Variants in ARHGAP20 observed in about 807,000 individuals in gnomAD.
ARHGAP20 encodes rho GTPase-activating protein 20.
Under a neutral mutation model 73.7 loss-of-function variants are expected in ARHGAP20, and 34 were observed. The ratio of observed to expected loss-of-function variants is 0.46; its 90% CI spans 0.35 to 0.61. ARHGAP20 has a LOEUF of 0.61. ARHGAP20 is among the 20% of genes least tolerant of loss of function. ARHGAP20 has a pLI of 0.00. For missense variants in ARHGAP20, 1,314 were observed against 1,420.9 expected (o/e 0.92, Z 1.21); for synonymous variants, 523 against 518.2 (o/e 1.01, Z -0.13).
intron 1 of ARHGAP20, among the ~76,000 whole-genome samples, chr11:110,695,267 CT>C (rs1950314470): frequency 6.6e-6 from 1 of 151,418 alleles, no homozygotes; most frequent in African/African-American, 2.4e-5. Context: ...ATTTTGTCAT[CT>C]TGGATGAGGC....
intron 2 of ARHGAP20, among the ~76,000 whole-genome samples, chr11:110,680,449 A>G (rs1239745966): frequency 2.6e-5 from 4 of 152,136 alleles, no homozygotes; most frequent in Non-Finnish European, 4.4e-5. Context: ...TTCAAGTTGT[A>G]TAGGGGAAGA....
At chr11:110,600,071 T>G (rs1948072876) in intron 9 of ARHGAP20, among the ~76,000 whole-genome samples, 1 of 152,248 alleles carries the variant, frequency 6.6e-6, no homozygotes, top group Non-Finnish European at 1.5e-5. Context: ...AAGCTCCTCT[T>G]CATCTTGCTA....
At chr11:110,640,481 A>G (rs1449430419) in intron 2 of ARHGAP20, among the ~76,000 whole-genome samples, 2 of 152,044 alleles carry the variant, frequency 1.3e-5, no homozygotes, top group Non-Finnish European at 2.9e-5. Context: ...TGAAGCTACA[A>G]AAACCACTCT....
rs562659561 is a variant in ARHGAP20, at chr11:110,625,326, C to T, written c.354-1015G>A. Among the ~76,000 whole-genome samples the T allele has an allele frequency of 3.2e-3, 490 of 151,732 alleles. 3 individuals are homozygous for T. The highest frequency in any genetic ancestry group is 5.4e-3 in the Admixed American group (82 of 15,244). ...TGCTGGGATTACAGGCGTGAGCCAC[C>T]GTGCCCAGCCAGGATTTATTAAAAT... On this transcript the variant is annotated intron_variant, in intron 3 of 14. Transcript: ENST00000683387.
At chr11:110,695,916 C>G (rs1950326456) in intron 1 of ARHGAP20, among the ~76,000 whole-genome samples, 1 of 151,538 alleles carries the variant, frequency 6.6e-6, no homozygotes, top group Non-Finnish European at 1.5e-5. Flanking sequence ...GGCAACATCA[C>G]CAATGCCAAT....
intron 2 of ARHGAP20, among the ~76,000 whole-genome samples, chr11:110,687,107 T>C (rs11213537): frequency 1.6e-4 from 18 of 111,188 alleles, no homozygotes; most frequent in South Asian, 1.3e-3. Flanking sequence ...CACACACACA[T>C]ATATTTTAAG....
chr11:110,650,712 G>C (rs1283244783), intron 2 of ARHGAP20, among the ~76,000 whole-genome samples: 9 of 152,028 alleles, frequency 5.9e-5, no homozygotes, highest in Admixed American at 5.9e-4. Flanking sequence ...ATAGCAGCAG[G>C]GATTTTTTTC....
intron 9 of ARHGAP20, among the ~76,000 whole-genome samples, chr11:110,602,107 G>A (rs1948125038): frequency 6.6e-6 from 1 of 152,164 alleles, no homozygotes; most frequent in Non-Finnish European, 1.5e-5. Context: ...CTGTGACAGA[G>A]ATGGTATGTG....
At chr11:110,668,334 G>C (rs1395662533) in intron 2 of ARHGAP20, among the ~76,000 whole-genome samples, 1 of 152,090 alleles carries the variant, frequency 6.6e-6, no homozygotes, top group East Asian at 1.9e-4. Context: ...TTAAAATAAA[G>C]GTATACAAAT....
chr11:110,633,611 T>C (rs1254511746), intron 2 of ARHGAP20, among the ~76,000 whole-genome samples: 2 of 152,228 alleles, frequency 1.3e-5, no homozygotes, highest in Non-Finnish European at 2.9e-5. Context: ...ATTTTACTCT[T>C]TTCCTGTGCT....
intron 1 of ARHGAP20, among the ~76,000 whole-genome samples, chr11:110,701,203 C>G (rs1404277998): frequency 6.6e-6 from 1 of 151,440 alleles, no homozygotes; most frequent in Non-Finnish European, 1.5e-5. Context: ...TACAGTCCAA[C>G]AGTGTAAAAG....
At chr11:110,585,247 C>T (rs1020490036) in intron 12 of ARHGAP20, among the ~76,000 whole-genome samples, 7 of 151,362 alleles carry the variant, frequency 4.6e-5, no homozygotes, top group African/African-American at 1.5e-4. Flanking sequence ...AAATATTTCA[C>T]GTGTTTATAT....
In ARHGAP20 at chr11:110,592,031, A is replaced by G. The variant is rs576879421; in HGVS notation, c.1089T>C (p.Phe363=). Residue 363 remains phenylalanine, a synonymous_variant, in exon 10 of 15, where the codon TTT becomes TTC. Coordinates refer to ENST00000683387, the MANE Select transcript of ARHGAP20 (RefSeq NM_001384657.1). ...CACAAATATTTGGCAGAGAAATTCC[A>G]AAGAGCTGTCCTGGCATAGGTGATG... ...SPTSPMPGQL[F]GISLPNICEN... 8.3e-4 allele frequency: 1,347 copies of G among 1,614,156 alleles called. 23 individuals are homozygous for G. In the South Asian group the frequency reaches 0.014, roughly 17 times the overall value.
rs541022605 is a variant in ARHGAP20, at chr11:110,621,761, T to C, written c.503+2401A>G. On this transcript the variant is annotated intron_variant, in intron 4 of 14. Transcript: ENST00000683387. ...GAATCATCTCAAGATTGGTCTCTAT[T>C]GATTATCTTTTTCCTTGTTCTTCAC... Among the ~76,000 whole-genome samples the C allele has an allele frequency of 1.6e-4, 25 of 152,380 alleles. No individual in the cohort carries two copies. The South Asian group carries it at 4.6e-3, about 28-fold the overall frequency.
chr11:110,668,045 A>G (rs888359973), intron 2 of ARHGAP20, among the ~76,000 whole-genome samples: 13 of 152,234 alleles, frequency 8.5e-5, no homozygotes, highest in Admixed American at 5.2e-4. Flanking sequence ...CTTAACTGAT[A>G]AATCAGTAGC....
intron 2 of ARHGAP20, among the ~76,000 whole-genome samples, chr11:110,688,352 C>T (rs575554456): frequency 2.0e-5 from 3 of 151,828 alleles, no homozygotes; most frequent in African/African-American, 7.2e-5. Context: ...TGCAGATTCT[C>T]ACCCTGGAGT....
chr11:110,711,607 G>T (rs1313421776), intron 1 of ARHGAP20: 5 of 1,486,116 alleles, frequency 3.4e-6, no homozygotes. Context: ...CCGCGCCTCG[G>T]CGGGCAGGTG....
rs1054321721 is a variant in ARHGAP20, at chr11:110,630,092, C to G, written c.353+536G>C. Among the ~76,000 whole-genome samples the G allele has an allele frequency of 2.6e-5, 4 of 152,174 alleles. No individual in the cohort carries two copies. The East Asian group carries it at 7.7e-4, about 29-fold the overall frequency. Reference sequence around the variant, plus strand: ...GCTTGTTATGCTCCAGTTACACAGGCCTTCTTTTAATTCCTCCAAGTGCTA... The same window carrying G: ...GCTTGTTATGCTCCAGTTACACAGGGCTTCTTTTAATTCCTCCAAGTGCTA... On this transcript the variant is annotated intron_variant, in intron 3 of 14. Coordinates refer to ENST00000683387, the MANE Select transcript of ARHGAP20 (RefSeq NM_001384657.1).
chr11:110,594,281 AGAGT>A (rs1947899243), intron 9 of ARHGAP20, among the ~76,000 whole-genome samples: 2 of 152,228 alleles, frequency 1.3e-5, no homozygotes, highest in South Asian at 4.1e-4. Flanking sequence ...CTTTGGCTCT[AGAGT>A]CAGGAGCCTC....
Sources: gnomAD v4.1 joint callset for allele counts (sites outside exome capture counted in the v4.1 genomes callset) on GRCh38, gnomAD v4.1.1 for gene constraint, MANE v1.5 for transcripts, NCBI Gene and HGNC (gene_info 2026-07-23, HGNC 2026-07-21) for gene names.